NR3C2: variants seen among roughly 807,000 people sequenced by gnomAD.
NR3C2 encodes nuclear receptor subfamily 3 group C member 2, also known as mineralocorticoid receptor.
In NR3C2, 15 loss-of-function variants were observed where a neutral mutation model predicts 86.4. The ratio of observed to expected loss-of-function variants is 0.17; its 90% CI spans 0.12 to 0.27. The LOEUF is 0.27. Ranked by LOEUF, NR3C2 falls within the 10% of genes least tolerant of loss-of-function variation. The pLI, the probability that NR3C2 is intolerant of heterozygous loss-of-function variation, is 1.00. For missense variants in NR3C2, 960 were observed against 1,195.6 expected (o/e 0.80, Z 2.91); for synonymous variants, 458 against 450.5 (o/e 1.02, Z -0.21).
At chr4:148,356,763 A>T (rs1205646831) in intron 2 of NR3C2, among the ~76,000 whole-genome samples, 1 of 152,174 alleles carries the variant, frequency 6.6e-6, no homozygotes, top group Non-Finnish European at 1.5e-5. Context: ...CTAAAATAAA[A>T]ATTCACTTTC....
At chr4:148,350,176 G>C (rs879717107) in intron 2 of NR3C2, among the ~76,000 whole-genome samples, 1 of 152,180 alleles carries the variant, frequency 6.6e-6, no homozygotes, top group Admixed American at 6.5e-5. Context: ...TTGAGGTTGA[G>C]AAAGATTAAT....
intron 2 of NR3C2, among the ~76,000 whole-genome samples, chr4:148,332,260 C>A (rs1744266266): frequency 6.6e-6 from 1 of 152,166 alleles, no homozygotes; most frequent in South Asian, 2.1e-4. Context: ...CAACAAATAA[C>A]TGCAAATAAT....
chr4:148,094,009 A>C (rs953458927), intron 8 of NR3C2, among the ~76,000 whole-genome samples: 2 of 152,172 alleles, frequency 1.3e-5, no homozygotes, highest in Admixed American at 6.5e-5. Flanking sequence ...CAAACTGAAT[A>C]AAAAAATTGA....
At chr4:148,389,788 T>G (rs368592769) in intron 2 of NR3C2, among the ~76,000 whole-genome samples, 2 of 152,206 alleles carry the variant, frequency 1.3e-5, no homozygotes, top group East Asian at 3.9e-4. Context: ...TTTAAATTCA[T>G]AAAAGGCATT....
At chr4:148,160,048 A>G (rs778593275) in intron 4 of NR3C2, among the ~76,000 whole-genome samples, 6 of 152,212 alleles carry the variant, frequency 3.9e-5, no homozygotes, top group Non-Finnish European at 7.3e-5. Flanking sequence ...CCCAGTCCCA[A>G]TTAAACTCAC....
intron 8 of NR3C2, among the ~76,000 whole-genome samples, chr4:148,092,529 TA>T (rs1246233136): frequency 7.9e-5 from 12 of 152,196 alleles, no homozygotes; most frequent in Non-Finnish European, 1.6e-4. Flanking sequence ...TTCTCTGACT[TA>T]TTCCAAGCTC....
upstream of NR3C2, chr4:148,442,764 G>A (rs1750418846): frequency 1.0e-6 from 1 of 985,424 alleles, no homozygotes; most frequent in South Asian, 4.7e-5. Context: ...GCCGGGCGGT[G>A]GCTACATCAG....
rs374754011 is a variant in NR3C2 at position 148,209,712 on chromosome 4, A to T, written c.1898-14850T>A. Among the ~76,000 whole-genome samples, 24 of 152,348 alleles carry T rather than the reference A, an allele frequency of 1.6e-4. No homozygotes were observed. The South Asian group carries it at 3.1e-3, about 20-fold the overall frequency. ...ATAACAAAACCACCAGCTGATTTTT[A>T]GCTTACCAGGAGAAGCCAATTAGGG... On this transcript the variant is annotated intron_variant, in intron 3 of 8. Coordinates refer to ENST00000358102, the MANE Select transcript of NR3C2 (RefSeq NM_000901.5).
At chr4:148,298,743 T>C (rs190110942) in intron 2 of NR3C2, among the ~76,000 whole-genome samples, 2 of 152,374 alleles carry the variant, frequency 1.3e-5, no homozygotes, top group Admixed American at 6.5e-5. Flanking sequence ...ACACAAATTC[T>C]AGTTACCCTG....
chr4:148,164,520 AAAAC>A (rs1283257731), intron 4 of NR3C2, among the ~76,000 whole-genome samples: 3 of 152,320 alleles, frequency 2.0e-5, no homozygotes, highest in South Asian at 2.1e-4. Flanking sequence ...GTGCATGTGT[AAAAC>A]AAACAAGCAA....
At chr4:148,142,357 C>T (rs1015868568) in intron 6 of NR3C2, among the ~76,000 whole-genome samples, 6 of 152,058 alleles carry the variant, frequency 3.9e-5, no homozygotes, top group Admixed American at 6.6e-5. Context: ...CCAGACCTGA[C>T]GGACAGCTCT....
intron 4 of NR3C2, among the ~76,000 whole-genome samples, chr4:148,184,870 G>T (rs1465242430): frequency 1.3e-5 from 2 of 152,184 alleles, no homozygotes; most frequent in African/African-American, 4.8e-5. Flanking sequence ...AGAGACACCA[G>T]AAAAGGAGCT....
chr4:148,084,493 C>T (rs575451342), intron 8 of NR3C2, among the ~76,000 whole-genome samples: 54 of 152,266 alleles, frequency 3.5e-4, no homozygotes, highest in South Asian at 2.1e-4. Context: ...ACCAGGCCTG[C>T]GTTACAAGAG....
chr4:148,251,074 C>G (rs1739553044), intron 3 of NR3C2, among the ~76,000 whole-genome samples: 1 of 152,098 alleles, frequency 6.6e-6, no homozygotes, highest in Admixed American at 6.6e-5. Flanking sequence ...CTCAGCCCCC[C>G]AAGGAGCTGA....
intron 3 of NR3C2, among the ~76,000 whole-genome samples, chr4:148,239,939 G>C (rs1441901467): frequency 6.6e-6 from 1 of 152,002 alleles, no homozygotes; most frequent in Non-Finnish European, 1.5e-5. Flanking sequence ...ACGATGATGG[G>C]GTTTAGTTAG....
chr4:148,277,165 A>G (rs564470319), intron 2 of NR3C2, among the ~76,000 whole-genome samples: 2 of 152,332 alleles, frequency 1.3e-5, no homozygotes, highest in African/African-American at 4.8e-5. Flanking sequence ...CTTTTGGTAA[A>G]TGTTGGCATA....
chr4:148,204,902 C>T (rs1363385715), intron 3 of NR3C2, among the ~76,000 whole-genome samples: 1 of 152,214 alleles, frequency 6.6e-6, no homozygotes, highest in African/African-American at 2.4e-5. Flanking sequence ...TGGAAGCCAA[C>T]ATATGCACAG....
chr4:148,328,474 T>A (rs565499502), intron 2 of NR3C2, among the ~76,000 whole-genome samples: 1 of 152,174 alleles, frequency 6.6e-6, no homozygotes, highest in Admixed American at 6.5e-5. Flanking sequence ...TCCTAGCATC[T>A]TCCTTGGTCT....
intron 2 of NR3C2, among the ~76,000 whole-genome samples, chr4:148,408,595 C>A (rs1748535141): frequency 1.3e-5 from 2 of 152,106 alleles, no homozygotes; most frequent in South Asian, 4.1e-4. Context: ...AAGATACTTT[C>A]TTTTACAAAA....
Sources: gnomAD v4.1 joint callset for allele counts (sites outside exome capture counted in the v4.1 genomes callset) on GRCh38, gnomAD v4.1.1 for gene constraint, MANE v1.5 for transcripts, NCBI Gene and HGNC (gene_info 2026-07-23, HGNC 2026-07-21) for gene names.